The following SNX10 variants were observed in gnomAD, a reference collection of about 807,000 sequenced individuals.
SNX10 encodes the protein sorting nexin-10.
A neutral mutation model predicts 28.5 loss-of-function variants in SNX10; 25 were observed. The observed-to-expected ratio is 0.88, with a 90% CI of 0.64 to 1.22. SNX10 has a LOEUF of 1.22. SNX10 is among the 50% of genes most tolerant of loss of function. The probability of loss-of-function intolerance (pLI) is 0.00; values close to 1 mark genes in which losing one functional copy is unlikely to be tolerated. For missense variants in SNX10, 223 were observed against 242.6 expected (o/e 0.92, Z 0.54); for synonymous variants, 62 against 81.4 (o/e 0.76, Z 1.28).
intron 1 of SNX10, among the ~76,000 whole-genome samples, chr7:26,333,704 G>T (rs1385191778): frequency 6.6e-6 from 1 of 152,160 alleles, no homozygotes; most frequent in South Asian, 2.1e-4. Context: ...CCAGGTGAAG[G>T]GGTAGAGTGA....
intron 1 of SNX10, among the ~76,000 whole-genome samples, chr7:26,312,903 CAAAGATA>C (rs1250995796): frequency 2.6e-5 from 4 of 152,038 alleles, no homozygotes; most frequent in Non-Finnish European, 5.9e-5. Flanking sequence ...CTAGGATTGA[CAAAGATA>C]AAACATTTTG....
intron 5 of SNX10, among the ~76,000 whole-genome samples, chr7:26,366,517 G>A (rs1236593804): frequency 2.6e-5 from 4 of 152,188 alleles, no homozygotes; most frequent in Non-Finnish European, 5.9e-5. Flanking sequence ...TGGCAGGACA[G>A]AGACCTGGCC....
chr7:26,333,622 CTATTTTAT>C (rs1787824064), intron 1 of SNX10, among the ~76,000 whole-genome samples: 1 of 152,190 alleles, frequency 6.6e-6, no homozygotes, highest in South Asian at 2.1e-4. Context: ...CCGCACCCGA[CTATTTTAT>C]TCTTTTGATG....
intron 2 of SNX10, among the ~76,000 whole-genome samples, chr7:26,356,833 C>G (rs994527461): frequency 3.9e-5 from 6 of 152,056 alleles, no homozygotes; most frequent in Admixed American, 2.0e-4. Context: ...GATCCTTATG[C>G]TGTTAATTGG....
At chr7:26,354,434 C>A (rs1176138255) in intron 2 of SNX10, among the ~76,000 whole-genome samples, 1 of 152,200 alleles carries the variant, frequency 6.6e-6, no homozygotes, top group Non-Finnish European at 1.5e-5. Flanking sequence ...CAACCTCCCA[C>A]CCACCCACCA....
At chr7:26,318,326 G>A (rs1359638434) in intron 1 of SNX10, among the ~76,000 whole-genome samples, 2 of 152,024 alleles carry the variant, frequency 1.3e-5, no homozygotes, top group African/African-American at 4.8e-5. Flanking sequence ...TGTCTCTCTG[G>A]TCTGTGAAGA....
At chr7:26,346,933 A>C (rs1437824678) in intron 2 of SNX10, among the ~76,000 whole-genome samples, 1 of 152,180 alleles carries the variant, frequency 6.6e-6, no homozygotes, top group African/African-American at 2.4e-5. Flanking sequence ...CCAGGCCTCC[A>C]TGCCCGCCCC....
rs535720625 is a variant in SNX10, at chr7:26,366,854, T to C, written c.311+1709T>C. 2.1e-4 allele frequency among the ~76,000 whole-genome samples: 32 copies of C among 152,376 alleles called. No individual in the cohort carries two copies. The South Asian group carries it at 4.3e-3, about 21-fold the overall frequency. On this transcript the variant is annotated intron_variant, in intron 5 of 6. Transcript: ENST00000338523. ...TCCACAGTTGATCTACCCAAATGAA[T>C]GACCCTGTGAGTGTCATTCAGCCAT...
At chr7:26,315,950 A>G (rs945161735) in intron 1 of SNX10, among the ~76,000 whole-genome samples, 1 of 151,998 alleles carries the variant, frequency 6.6e-6, no homozygotes. Context: ...TGGGAGGCTG[A>G]GGTGGGTGGA....
chr7:26,308,893 C>A lies in SNX10; in HGVS notation c.-24+16807C>A, dbSNP rs527719046. Reference sequence around the variant, plus strand: ...AGAATTGAACTGGGTTGGAGGACACCCAGCTGGTATCTACTGCAGAATTGA... The same window carrying A: ...AGAATTGAACTGGGTTGGAGGACACACAGCTGGTATCTACTGCAGAATTGA... On this transcript the variant is annotated intron_variant, in intron 1 of 6. Coordinates refer to ENST00000338523, the MANE Select transcript of SNX10 (RefSeq NM_013322.3). 1.1e-3 allele frequency among the ~76,000 whole-genome samples: 165 copies of A among 152,136 alleles called. 1 individual carries two copies. The highest frequency in any genetic ancestry group is 1.7e-3 in the Non-Finnish European group (118 of 67,998).
chr7:26,325,647 A>G (rs1160779016), intron 1 of SNX10, among the ~76,000 whole-genome samples: 3 of 151,692 alleles, frequency 2.0e-5, no homozygotes, highest in African/African-American at 7.3e-5. Flanking sequence ...TGTTTGACGG[A>G]TTTGTGTGTA....
At chr7:26,355,499 T>G (rs994951034) in intron 2 of SNX10, among the ~76,000 whole-genome samples, 4 of 152,208 alleles carry the variant, frequency 2.6e-5, no homozygotes, top group Non-Finnish European at 5.9e-5. Context: ...CATCTTAGAT[T>G]TTCAGCATAG....
At chr7:26,357,109 T>G (rs1266039590) in intron 2 of SNX10, 1 of 1,094,452 alleles carries the variant, frequency 9.1e-7, no homozygotes, top group Non-Finnish European at 1.2e-6. Context: ...GCTTAGCGTC[T>G]GCTAGAGGAG....
intron 1 of SNX10, among the ~76,000 whole-genome samples, chr7:26,307,067 C>A (rs1786629422): frequency 1.3e-5 from 2 of 152,214 alleles, no homozygotes; most frequent in Admixed American, 1.3e-4. Flanking sequence ...AGCAGTGGAT[C>A]TTCATGACAG....
chr7:26,362,775 C>G (rs993752793), intron 3 of SNX10, among the ~76,000 whole-genome samples: 3 of 152,174 alleles, frequency 2.0e-5, no homozygotes, highest in African/African-American at 4.8e-5. Context: ...TGATGTCACA[C>G]AACTCTGGGA....
At position 26,332,852 on chromosome 7, in the gene SNX10, G is replaced by A. The variant is rs575596652; in HGVS notation, c.-23-13568G>A. 5.3e-5 allele frequency among the ~76,000 whole-genome samples: 8 copies of A among 152,178 alleles called. No homozygotes were observed. In the East Asian group the frequency reaches 5.8e-4, roughly 11 times the overall value. ...GATTCTTTCCCCATTGAGTGGTTTC[G>A]GTGCCCTTGTTGGGGAAATCAATTG... On this transcript the variant is annotated intron_variant, in intron 1 of 6. Transcript: ENST00000338523.
At chr7:26,313,792 A>C (rs1033286852) in intron 1 of SNX10, among the ~76,000 whole-genome samples, 19 of 151,860 alleles carry the variant, frequency 1.3e-4, no homozygotes, top group African/African-American at 4.4e-4. Context: ...GAAGAACCTG[A>C]ATTTCTTTTT....
intron 1 of SNX10, among the ~76,000 whole-genome samples, chr7:26,331,455 C>T (rs1463886203): frequency 3.3e-5 from 5 of 151,508 alleles, no homozygotes; most frequent in African/African-American, 1.2e-4. Context: ...GCATGGTGGC[C>T]CATGCCTGTA....
At chr7:26,354,969 GT>G (rs1469480134) in intron 2 of SNX10, among the ~76,000 whole-genome samples, 1 of 150,966 alleles carries the variant, frequency 6.6e-6, no homozygotes, top group Non-Finnish European at 1.5e-5. Flanking sequence ...GATGTTTTGT[GT>G]TTGACATTTA....
Sources: allele counts gnomAD v4.1 joint callset (sites outside exome capture counted in the v4.1 genomes callset), GRCh38; gene constraint gnomAD v4.1.1; transcripts MANE v1.5; gene names NCBI Gene and HGNC (gene_info 2026-07-23, HGNC 2026-07-21).